ARPP21: variants seen among roughly 807,000 people sequenced by gnomAD.
The protein encoded by ARPP21 is cAMP-regulated phosphoprotein 21.
Under a neutral mutation model 113.2 loss-of-function variants are expected in ARPP21, and 69 were observed. The observed-to-expected ratio is 0.61, with a 90% CI of 0.50 to 0.74. The LOEUF (loss-of-function observed/expected upper bound fraction) is 0.74. Ranked by LOEUF, ARPP21 falls within the 30% of genes least tolerant of loss-of-function variation. The pLI is 0.00. For missense variants in ARPP21, 1,070 were observed against 1,037.4 expected, an observed-to-expected ratio of 1.03 and a Z score of -0.43; for synonymous variants, 368 against 375.5, an observed-to-expected ratio of 0.98 and a Z score of 0.23.
intron 1 of ARPP21, among the ~76,000 whole-genome samples, chr3:35,671,841 TG>T (rs1277451208): frequency 6.6e-6 from 1 of 152,038 alleles, no homozygotes; most frequent in Non-Finnish European, 1.5e-5. Flanking sequence ...CCTAGATGTT[TG>T]GCCAGTTTAA....
At chr3:35,767,311 T>C (rs143864307) in intron 19 of ARPP21, among the ~76,000 whole-genome samples, 53 of 152,242 alleles carry the variant, frequency 3.5e-4, no homozygotes, top group African/African-American at 1.2e-3. Flanking sequence ...AGGAAGTAAA[T>C]GTACTATATG....
chr3:35,724,215 C>G (rs2093352618), intron 14 of ARPP21, among the ~76,000 whole-genome samples: 1 of 152,134 alleles, frequency 6.6e-6, no homozygotes, highest in African/African-American at 2.4e-5. Context: ...TCTCTTGAGG[C>G]CTGGGCTGCC....
chr3:35,649,753 A>G (rs1379929291), intron 1 of ARPP21, among the ~76,000 whole-genome samples: 3 of 152,156 alleles, frequency 2.0e-5, no homozygotes, highest in African/African-American at 4.8e-5. Context: ...CCACCAAGCT[A>G]TAGGAAGCTC....
chr3:35,794,474 G>A lies in ARPP21; in HGVS notation c.*516G>A, dbSNP rs1212433912. 2 of 153,476 alleles carry A rather than the reference G, an allele frequency of 1.3e-5. No homozygotes were observed. Among genetic ancestry groups the A allele is most frequent in the Non-Finnish European group, 2.9e-5 (2 of 68,860 alleles). 9.5% of individuals were successfully genotyped at this position (153,476 alleles called of 1,614,324 possible). On this transcript the variant is annotated 3_prime_UTR_variant, in exon 21 of 21. Transcript: ENST00000684406. The stretch of plus-strand genomic sequence containing the variant: ...ATTTGACCTTATGGAGGAAGGTCAT[G>A]TTTTTACCACCAGTTTGGTTCACTA...
intron 19 of ARPP21, among the ~76,000 whole-genome samples, chr3:35,752,727 A>G (rs1179243023): frequency 6.6e-6 from 1 of 152,072 alleles, no homozygotes; most frequent in Non-Finnish European, 1.5e-5. Flanking sequence ...CTACTGGTCT[A>G]CTGTTTTGAA....
At chr3:35,791,898 T>G (rs1298590135) in intron 19 of ARPP21, among the ~76,000 whole-genome samples, 1 of 152,118 alleles carries the variant, frequency 6.6e-6, no homozygotes, top group African/African-American at 2.4e-5. Context: ...AAAATAGAAT[T>G]TATCCAAAGT....
At chr3:35,696,960 C>A (rs2084296134) in intron 9 of ARPP21, among the ~76,000 whole-genome samples, 1 of 151,530 alleles carries the variant, frequency 6.6e-6, no homozygotes, top group Non-Finnish European at 1.5e-5. Context: ...TTTTAACCTT[C>A]CTCTTCTTCA....
chr3:35,667,184 G>A (rs921718395), intron 1 of ARPP21, among the ~76,000 whole-genome samples: 2 of 152,130 alleles, frequency 1.3e-5, no homozygotes, highest in Non-Finnish European at 2.9e-5. Context: ...GTCAGGCACA[G>A]AGTGAGTCTC....
intron 9 of ARPP21, among the ~76,000 whole-genome samples, chr3:35,698,129 G>A (rs896528177): frequency 1.3e-5 from 2 of 151,652 alleles, no homozygotes; most frequent in African/African-American, 4.8e-5. Context: ...TTTATTTACT[G>A]AGCAAGACAC....
chr3:35,647,739 CCT>C (rs1700790986), intron 1 of ARPP21, among the ~76,000 whole-genome samples: 1 of 152,120 alleles, frequency 6.6e-6, no homozygotes. Flanking sequence ...AAGCTCTAAA[CCT>C]CTCTGTGCTT....
At chr3:35,784,665 C>A (rs931766329) in intron 19 of ARPP21, among the ~76,000 whole-genome samples, 1 of 152,060 alleles carries the variant, frequency 6.6e-6, no homozygotes, top group East Asian at 1.9e-4. Flanking sequence ...GTAGATGGTA[C>A]CACCAGAACA....
intron 9 of ARPP21, among the ~76,000 whole-genome samples, chr3:35,699,205 A>G (rs2085293073): frequency 1.3e-5 from 2 of 151,652 alleles, no homozygotes. Flanking sequence ...TATACCTACT[A>G]GAGATAGTAT....
intron 1 of ARPP21, among the ~76,000 whole-genome samples, chr3:35,670,956 G>A (rs761213703): frequency 1.2e-4 from 18 of 152,100 alleles, no homozygotes; most frequent in African/African-American, 2.2e-4. Flanking sequence ...TATTCAAAAC[G>A]CTAGTATTTA....
intron 9 of ARPP21, among the ~76,000 whole-genome samples, chr3:35,696,702 G>A (rs1200431558): frequency 2.0e-5 from 3 of 151,294 alleles, no homozygotes; most frequent in East Asian, 1.9e-4. Context: ...ATGTTATTTT[G>A]ATATTATAAA....
chr3:35,749,860 T>A (rs1576607003), intron 19 of ARPP21, among the ~76,000 whole-genome samples: 4 of 152,140 alleles, frequency 2.6e-5, no homozygotes, highest in Non-Finnish European at 5.9e-5. Flanking sequence ...TTGATAGTTT[T>A]ATTTCTTTAC....
At chr3:35,676,043 A>G (rs922887488) in intron 1 of ARPP21, among the ~76,000 whole-genome samples, 12 of 151,938 alleles carry the variant, frequency 7.9e-5, no homozygotes, top group Admixed American at 2.6e-4. Context: ...GTATTCAGGA[A>G]GAAAAAAAGA....
At position 35,689,967 on chromosome 3, in the gene ARPP21, T is replaced by A. The variant is rs990989436; in HGVS notation, c.486-114T>A. Reference sequence around the variant, plus strand: ...GCATATTCCAAAGAAGAGTTAGGTATAAGTTTGTAGCAGCATACATTTAAG... The same window carrying A: ...GCATATTCCAAAGAAGAGTTAGGTAAAAGTTTGTAGCAGCATACATTTAAG... On this transcript the variant is annotated intron_variant, in intron 7 of 20. Transcript: ENST00000684406. 1.4e-5 allele frequency: 9 copies of A among 623,982 alleles called. No individual in the cohort carries two copies. In the African/African-American group the frequency reaches 1.5e-4, roughly 10 times the overall value. The allele number at this position is 623,982 out of a possible 1,614,324, so 38.7% of individuals were successfully genotyped here.
intron 15 of ARPP21, among the ~76,000 whole-genome samples, chr3:35,732,622 G>A (rs942376082): frequency 3.3e-5 from 5 of 152,160 alleles, no homozygotes; most frequent in African/African-American, 1.2e-4. Flanking sequence ...TCAACTCAGT[G>A]CAATCCAGAA....
Position 35,691,112 on chromosome 3 carries a change from GTTAT to G in ARPP21, c.686+112_686+115del. 3 of 1,186,980 alleles carry G rather than the reference GTTAT, an allele frequency of 2.5e-6. No homozygotes were observed. In the South Asian group the frequency reaches 5.7e-5, roughly 23 times the overall value. The allele number at this position is 1,186,980 out of a possible 1,614,324, so 73.5% of individuals were successfully genotyped here. On this transcript the variant is annotated intron_variant, in intron 9 of 20. Transcript: ENST00000684406. ...GTACATGACATTTAAAATGTGCAGT[GTTAT>G]TTATCTCTTGCTCTTATCAGAAGTA...
Sources: gnomAD v4.1 joint callset for allele counts (sites outside exome capture counted in the v4.1 genomes callset) on GRCh38, gnomAD v4.1.1 for gene constraint, MANE v1.5 for transcripts, NCBI Gene and HGNC (gene_info 2026-07-23, HGNC 2026-07-21) for gene names.